Variants in DAB1 observed in about 807,000 individuals in gnomAD.
DAB1 encodes DAB adaptor protein 1, also known as disabled homolog 1.
In DAB1, 15 loss-of-function variants were observed where a neutral mutation model predicts 64.6. The observed-to-expected ratio is 0.23, with a 90% CI of 0.16 to 0.36. The LOEUF is 0.36. Ranked by LOEUF, DAB1 falls within the 10% of genes least tolerant of loss-of-function variation. DAB1 has a pLI of 1.00. For missense variants in DAB1, 596 were observed against 706.7 expected, an observed-to-expected ratio of 0.84 and a Z score of 1.78; for synonymous variants, 235 against 251.9, an observed-to-expected ratio of 0.93 and a Z score of 0.64.
intron 7 of DAB1, among the ~76,000 whole-genome samples, chr1:57,610,406 T>G (rs1334757896): frequency 6.6e-6 from 1 of 152,184 alleles, no homozygotes; most frequent in Non-Finnish European, 1.5e-5. Context: ...TCAGTCTTGA[T>G]GTACAGATAA....
Position 57,619,572 on chromosome 1 carries a change from T to A in DAB1, n.625+30020A>T, listed in dbSNP as rs77288437. On this transcript the variant is annotated intron_variant and non_coding_transcript_variant, in intron 7 of 20. Transcript: ENST00000485760. ...ATGCTACCAGGCCTGGCTAATTTTT[T>A]AAACTATTTTTGTAGAGATAGGGTC... is the stretch of plus-strand genomic sequence containing the variant. 1.2e-3 allele frequency among the ~76,000 whole-genome samples: 180 copies of A among 152,212 alleles called. 1 individual carries two copies. In the East Asian group the frequency reaches 0.031, roughly 26 times the overall value.
intron 1 of DAB1, among the ~76,000 whole-genome samples, chr1:57,410,028 T>G (rs2101055029): frequency 6.6e-6 from 1 of 152,316 alleles, no homozygotes; most frequent in Admixed American, 6.5e-5. Context: ...TACAAACCTT[T>G]AGGCCTTTTT....
At chr1:57,489,884 C>T (rs1452198475) in intron 7 of DAB1, among the ~76,000 whole-genome samples, 1 of 152,136 alleles carries the variant, frequency 6.6e-6, no homozygotes, top group African/African-American at 2.4e-5. Context: ...TTTATGTCCC[C>T]TCTCTGTTAA....
At chr1:57,714,372 G>A (rs553411088) in intron 6 of DAB1, among the ~76,000 whole-genome samples, 2 of 152,262 alleles carry the variant, frequency 1.3e-5, no homozygotes, top group Non-Finnish European at 2.9e-5. Context: ...ACTATGATAT[G>A]CTTTCTCTTG....
At chr1:58,064,287 T>C (rs550470816) in intron 5 of DAB1, among the ~76,000 whole-genome samples, 3 of 152,198 alleles carry the variant, frequency 2.0e-5, no homozygotes, top group Non-Finnish European at 4.4e-5. Context: ...TGTGAAAAAA[T>C]ATGGCATGTG....
At chr1:57,061,034 G>A (rs535450421) in intron 9 of DAB1, among the ~76,000 whole-genome samples, 5 of 152,114 alleles carry the variant, frequency 3.3e-5, no homozygotes, top group Non-Finnish European at 7.4e-5. Context: ...GTTGAAACAC[G>A]AAGAGCAGAC....
At chr1:57,360,143 C>G (rs916882169) in intron 1 of DAB1, among the ~76,000 whole-genome samples, 2 of 152,100 alleles carry the variant, frequency 1.3e-5, no homozygotes, top group South Asian at 4.2e-4. Context: ...CTAGACTTAA[C>G]AATTTCACAA....
chr1:57,172,810 C>T (rs1308066544), intron 2 of DAB1, among the ~76,000 whole-genome samples: 2 of 152,130 alleles, frequency 1.3e-5, no homozygotes, highest in Non-Finnish European at 2.9e-5. Context: ...TCCCATTAGG[C>T]CCCACCTCCA....
intron 4 of DAB1, among the ~76,000 whole-genome samples, chr1:58,311,037 G>C (rs1662419034): frequency 6.6e-6 from 1 of 152,086 alleles, no homozygotes; most frequent in Non-Finnish European, 1.5e-5. Context: ...ACCGAGCCCA[G>C]TTTTAGCAAA....
At chr1:57,192,956 T>C (rs1386594926) in intron 2 of DAB1, among the ~76,000 whole-genome samples, 1 of 152,232 alleles carries the variant, frequency 6.6e-6, no homozygotes, top group African/African-American at 2.4e-5. Flanking sequence ...CAAAGTTATA[T>C]ATATTTACAG....
At chr1:57,270,351 G>A (rs546332014) in intron 2 of DAB1, among the ~76,000 whole-genome samples, 1 of 152,280 alleles carries the variant, frequency 6.6e-6, no homozygotes, top group African/African-American at 2.4e-5. Context: ...TGAGATGTGG[G>A]TATCAAACAA....
chr1:58,149,682 G>A (rs1192744144), intron 5 of DAB1, among the ~76,000 whole-genome samples: 1 of 152,024 alleles, frequency 6.6e-6, no homozygotes, highest in Non-Finnish European at 1.5e-5. Flanking sequence ...CTGCACATAC[G>A]CACACACACC....
At chr1:58,143,396 G>A (rs1404977089) in intron 5 of DAB1, among the ~76,000 whole-genome samples, 2 of 152,126 alleles carry the variant, frequency 1.3e-5, no homozygotes, top group African/African-American at 2.4e-5. Flanking sequence ...AGTTGCAAAA[G>A]ATTATGCTAC....
chr1:57,134,130 C>T lies in DAB1; in HGVS notation c.306+2413G>A, dbSNP rs1418872978. Among the ~76,000 whole-genome samples, 5 of 152,150 alleles carry T rather than the reference C, an allele frequency of 3.3e-5. No individual in the cohort carries two copies. The South Asian group carries it at 8.3e-4, about 25-fold the overall frequency. ...TGAATACCCCCAGCGACGGTGAACT[C>T]CCTCACACAGAAGGCAGTCCATTTA... On this transcript the variant is annotated intron_variant, in intron 4 of 14. Coordinates refer to ENST00000371236, the MANE Select transcript of DAB1 (RefSeq NM_001365792.1).
chr1:58,155,245 A>G (rs945158641), intron 4 of DAB1, among the ~76,000 whole-genome samples: 3 of 152,210 alleles, frequency 2.0e-5, no homozygotes, highest in African/African-American at 7.2e-5. Flanking sequence ...GTATGTCTAT[A>G]CCTAGACTCT....
intron 4 of DAB1, among the ~76,000 whole-genome samples, chr1:58,296,093 CA>C (rs796336928): frequency 0.014 from 211 of 14,636 alleles, 3 homozygotes; most frequent in Middle Eastern, 0.091. Flanking sequence ...GACTCTGTCT[CA>C]AAAAAAAAAA....
At chr1:58,416,751 C>G (rs1557753842) in intron 3 of DAB1, among the ~76,000 whole-genome samples, 1 of 151,934 alleles carries the variant, frequency 6.6e-6, no homozygotes, top group East Asian at 1.9e-4. Flanking sequence ...TGCATGCATT[C>G]AGAGAGAGAG....
intron 6 of DAB1, among the ~76,000 whole-genome samples, chr1:57,676,344 A>G (rs2101690742): frequency 6.6e-6 from 1 of 152,350 alleles, no homozygotes; most frequent in Non-Finnish European, 1.5e-5. Context: ...GCAGATAAGA[A>G]TGATCGAGTC....
At chr1:58,488,277 T>C (rs527385725) in intron 3 of DAB1, among the ~76,000 whole-genome samples, 161 of 152,312 alleles carry the variant, frequency 1.1e-3, no homozygotes, top group African/African-American at 3.8e-3. Context: ...GTTATATTAA[T>C]TTTACTATAC....
Sources: allele counts gnomAD v4.1 joint callset (sites outside exome capture counted in the v4.1 genomes callset), GRCh38; gene constraint gnomAD v4.1.1; transcripts MANE v1.5; gene names NCBI Gene and HGNC (gene_info 2026-07-23, HGNC 2026-07-21).